Variants in UBR3 observed in about 807,000 individuals in gnomAD.
UBR3 encodes the protein ubiquitin protein ligase E3 component n-recognin 3, also known as E3 ubiquitin-protein ligase UBR3.
A neutral mutation model predicts 243.2 loss-of-function variants in UBR3; 85 were observed. The ratio of observed to expected loss-of-function variants is 0.35; its 90% CI spans 0.29 to 0.42. UBR3 has a LOEUF of 0.42. Ranked by LOEUF, UBR3 falls within the 10% of genes least tolerant of loss-of-function variation. The pLI is 1.00. For missense variants in UBR3, 1,686 were observed against 2,300.8 expected (o/e 0.73, Z 5.47); for synonymous variants, 748 against 799.8 (o/e 0.94, Z 1.09).
intron 5 of UBR3, among the ~76,000 whole-genome samples, chr2:169,880,904 C>T (rs2083796235): frequency 1.3e-5 from 2 of 152,074 alleles, no homozygotes; most frequent in African/African-American, 4.8e-5. Flanking sequence ...GGATTATGGC[C>T]TCCTGCTCCA....
intron 32 of UBR3, among the ~76,000 whole-genome samples, chr2:170,047,911 C>T (rs1316779315): frequency 1.3e-5 from 2 of 152,156 alleles, no homozygotes; most frequent in South Asian, 2.1e-4. Context: ...GAACAACTGT[C>T]GTGGTATCAC....
intron 1 of UBR3, among the ~76,000 whole-genome samples, chr2:169,838,855 G>A (rs1237338049): frequency 6.6e-6 from 1 of 152,192 alleles, no homozygotes; most frequent in East Asian, 1.9e-4. Flanking sequence ...CTCTCTAGCT[G>A]TGAACCTGTG....
intron 1 of UBR3, among the ~76,000 whole-genome samples, chr2:169,832,101 A>G (rs907087188): frequency 2.0e-5 from 3 of 152,180 alleles, no homozygotes; most frequent in Admixed American, 1.3e-4. Flanking sequence ...TCAAATTAGC[A>G]ATTATAGAAC....
chr2:170,031,565 T>C (rs1332763723), intron 31 of UBR3, among the ~76,000 whole-genome samples: 1 of 152,150 alleles, frequency 6.6e-6, no homozygotes, highest in Non-Finnish European at 1.5e-5. Flanking sequence ...AGGGTACATG[T>C]GCAGGTTTGT....
intron 33 of UBR3, among the ~76,000 whole-genome samples, chr2:170,056,003 C>CTTTTTTTTTT (rs34415442): frequency 2.2e-4 from 20 of 88,914 alleles, no homozygotes; most frequent in East Asian, 3.6e-4. Context: ...TCTTTTCTTT[C>CTTTTTTTTTT]TTTTTTTTTT....
chr2:169,936,477 A>G (rs1311885848), intron 19 of UBR3, among the ~76,000 whole-genome samples: 1 of 151,492 alleles, frequency 6.6e-6, no homozygotes, highest in Non-Finnish European at 1.5e-5. Context: ...TTTTTTCTTC[A>G]TTCTATGTAG....
At chr2:169,909,664 A>C (rs187012999) in intron 10 of UBR3, among the ~76,000 whole-genome samples, 8 of 152,296 alleles carry the variant, frequency 5.3e-5, no homozygotes, top group African/African-American at 1.9e-4. Context: ...CTCTCACTAC[A>C]AAAAATGATA....
intron 30 of UBR3, among the ~76,000 whole-genome samples, chr2:170,028,201 T>G (rs1204493024): frequency 6.6e-6 from 1 of 151,780 alleles, no homozygotes; most frequent in East Asian, 1.9e-4. Context: ...GAACATTTAT[T>G]TTACTCAAAT....
intron 1 of UBR3, among the ~76,000 whole-genome samples, chr2:169,864,111 T>C (rs1342686723): frequency 6.6e-6 from 1 of 152,120 alleles, no homozygotes; most frequent in Non-Finnish European, 1.5e-5. Flanking sequence ...AGTGGGATGA[T>C]CTTGGCTCAC....
chr2:170,009,740 G>A (rs2090028920), intron 29 of UBR3, among the ~76,000 whole-genome samples: 1 of 152,118 alleles, frequency 6.6e-6, no homozygotes, highest in South Asian at 2.1e-4. Flanking sequence ...ATTTAGAGAG[G>A]TAATGTGACT....
At chr2:169,909,066 G>A (rs1390086165) in intron 10 of UBR3, among the ~76,000 whole-genome samples, 3 of 151,858 alleles carry the variant, frequency 2.0e-5, no homozygotes, top group South Asian at 2.1e-4. Flanking sequence ...CTCGTGATCC[G>A]CCTGCCTCGG....
intron 24 of UBR3, among the ~76,000 whole-genome samples, chr2:169,979,544 C>T (rs186376564): frequency 2.9e-4 from 44 of 152,216 alleles, no homozygotes; most frequent in Non-Finnish European, 4.9e-4. Flanking sequence ...GTGGCACATA[C>T]GTATAATGAA....
Position 170,081,964 on chromosome 2 carries a change from T to C in UBR3, c.*121T>C. ...CTGAGGGAGAAAAAGAAAACATACA[T>C]TATGAAGCCTTTCCAAAATTAGGTG... On this transcript the variant is annotated 3_prime_UTR_variant, in exon 39 of 39. Transcript: ENST00000272793. 1.5e-6 allele frequency: 1 copy of C among 674,508 alleles called. No homozygotes were observed. Among genetic ancestry groups the C allele is most frequent in the Non-Finnish European group, 2.3e-6 (1 of 434,390 alleles). 41.8% of individuals were successfully genotyped at this position (674,508 alleles called of 1,614,324 possible).
At chr2:169,842,180 C>A (rs1254535248) in intron 1 of UBR3, among the ~76,000 whole-genome samples, 1 of 152,154 alleles carries the variant, frequency 6.6e-6, no homozygotes, top group Non-Finnish European at 1.5e-5. Context: ...CACCAATCAG[C>A]ACCCTGTGTT....
At chr2:169,908,158 C>G (rs534457149) in intron 10 of UBR3, among the ~76,000 whole-genome samples, 1 of 152,246 alleles carries the variant, frequency 6.6e-6, no homozygotes, top group African/African-American at 2.4e-5. Context: ...GGCATATGGT[C>G]TTTCATTCTC....
intron 11 of UBR3, among the ~76,000 whole-genome samples, chr2:169,916,550 T>G (rs548405325): frequency 6.6e-6 from 1 of 152,158 alleles, no homozygotes; most frequent in East Asian, 1.9e-4. Flanking sequence ...TCTTCGTGCT[T>G]GAAACTCCCG....
Position 169,986,645 on chromosome 2 carries a change from A to G in UBR3, c.3635A>G (p.Asp1212Gly). Residue 1212 changes from aspartate to glycine, a missense_variant and splice_region_variant, in exon 25 of 39, where the codon GAT becomes GGT. Around this residue, in one of 8 missense-constraint regions of UBR3, gnomAD observed 156 missense variants for 246.3 expected, o/e 0.63. Transcript: ENST00000272793. ...KSFMETAMDV[D>G]SPENDIPMEI... Reference sequence around the variant, plus strand: ...AAGAGATGTAACTTTTTTCCCTCAGATTCTCCTGAGAATGATATTCCTATG... The same window carrying G: ...AAGAGATGTAACTTTTTTCCCTCAGGTTCTCCTGAGAATGATATTCCTATG... The G allele has an allele frequency of 6.2e-7, 1 of 1,605,200 alleles. No individual in the cohort carries two copies. Among genetic ancestry groups the G allele is most frequent in the East Asian group, 2.2e-5 (1 of 44,788 alleles).
intron 11 of UBR3, among the ~76,000 whole-genome samples, chr2:169,922,740 TC>T (rs2085755885): frequency 6.6e-6 from 1 of 152,074 alleles, no homozygotes; most frequent in African/African-American, 2.4e-5. Flanking sequence ...TAGCATAATA[TC>T]CCGAAGGTTT....
At chr2:169,897,433 ATATATATGTATATGTGTGTATATATG>A (rs1167273975) in intron 8 of UBR3, among the ~76,000 whole-genome samples, 1 of 151,920 alleles carries the variant, frequency 6.6e-6, no homozygotes, top group East Asian at 1.9e-4. Context: ...CTTAAATTCT[ATATATATGTATATGTGTGTATATATG>A]TATATATGTA....
Sources: allele counts gnomAD v4.1 joint callset (sites outside exome capture counted in the v4.1 genomes callset), GRCh38; gene constraint gnomAD v4.1.1; regional missense constraint gnomAD v4.1.1; transcripts MANE v1.5; gene names NCBI Gene and HGNC (gene_info 2026-07-23, HGNC 2026-07-21).